CD99L2: variants seen among roughly 807,000 people sequenced by gnomAD.
CD99L2 encodes the protein CD99 molecule like 2, also known as CD99 antigen-like protein 2.
Under a neutral mutation model 27.3 loss-of-function variants are expected in CD99L2, and 24 were observed. The observed-to-expected ratio is 0.88, with a 90% CI of 0.64 to 1.24. CD99L2 has a LOEUF of 1.24. CD99L2 is among the 50% of genes most tolerant of loss of function. CD99L2 has a pLI of 0.00. For missense variants in CD99L2, 255 were observed against 221.6 expected (o/e 1.15, Z -0.96); for synonymous variants, 97 against 87.9 (o/e 1.10, Z -0.58).
At chrX:150,889,980 G>A (rs1557422740) in intron 1 of CD99L2, among the ~76,000 whole-genome samples, 1 of 108,898 alleles carries the variant, frequency 9.2e-6, no homozygotes, top group African/African-American at 3.4e-5. Context: ...GTGAAACCCC[G>A]TCTCTACTAA....
intron 7 of CD99L2, among the ~76,000 whole-genome samples, chrX:150,787,594 A>T (rs1557419595): frequency 9.1e-6 from 1 of 109,832 alleles, no homozygotes; most frequent in Non-Finnish European, 1.9e-5. Context: ...TGTCCTTTGC[A>T]GGGACATGGA....
rs913130283 is a variant in CD99L2 at position 150,767,082 on chromosome X, C to T, written c.*1952G>A. ...CTCACCATAAAGGTAAAGTGGACAA[C>T]CCCTGAGGTCACGCTGTCCAGGTGG... On this transcript the variant is annotated 3_prime_UTR_variant, in exon 11 of 11. Transcript: ENST00000370377. 8.9e-6 allele frequency: 1 copy of T among 112,065 alleles called. No individual in the cohort carries two copies. Among genetic ancestry groups the T allele is most frequent in the African/African-American group, 3.3e-5 (1 of 30,763 alleles). The allele number at this position is 112,065 out of a possible 1,213,427, so 9.2% of individuals were successfully genotyped here. A position where few individuals can be genotyped will look rare whatever the true frequency, so the allele number is the denominator to read the frequency against.
chrX:150,778,620 C>A (rs2045449817), intron 7 of CD99L2, among the ~76,000 whole-genome samples: 1 of 104,101 alleles, frequency 9.6e-6, no homozygotes, highest in African/African-American at 3.6e-5. Flanking sequence ...TGTGCTGCAC[C>A]CATTAACTCA....
chrX:150,876,444 T>C (rs2047230803), intron 1 of CD99L2, among the ~76,000 whole-genome samples: 1 of 112,335 alleles, frequency 8.9e-6, no homozygotes, highest in Non-Finnish European at 1.9e-5. Context: ...GAGAAAATAG[T>C]AACTACTAAT....
At chrX:150,789,544 T>G (rs2045653475) in intron 7 of CD99L2, among the ~76,000 whole-genome samples, 1 of 112,027 alleles carries the variant, frequency 8.9e-6, no homozygotes. Flanking sequence ...AGAACAAAAG[T>G]ATAAAGTATT....
intron 2 of CD99L2, among the ~76,000 whole-genome samples, chrX:150,824,025 AGAGGAGGAG>A (rs551423748): frequency 1.0e-5 from 1 of 96,567 alleles, no homozygotes; most frequent in Non-Finnish European, 2.0e-5. Context: ...AGGAAGAGGA[AGAGGAGGAG>A]GAGGAGGAGG....
At chrX:150,862,812 G>A (rs1207498712) in intron 1 of CD99L2, among the ~76,000 whole-genome samples, 3 of 108,500 alleles carry the variant, frequency 2.8e-5, no homozygotes, top group Non-Finnish European at 3.8e-5. Context: ...AACCAGGTGC[G>A]AAAGAAAGAA....
intron 1 of CD99L2, among the ~76,000 whole-genome samples, chrX:150,882,942 T>C (rs1557422538): frequency 9.1e-6 from 1 of 109,373 alleles, no homozygotes; most frequent in African/African-American, 3.3e-5. Context: ...GAGGCTGAGG[T>C]GGGCGGATCA....
At chrX:150,887,488 A>AT (rs2047432604) in intron 1 of CD99L2, among the ~76,000 whole-genome samples, 1 of 109,029 alleles carries the variant, frequency 9.2e-6, no homozygotes, top group African/African-American at 3.3e-5. Flanking sequence ...AAATAAATAA[A>AT]ATAAAAAAAT....
At chrX:150,840,074 G>C (rs782230177) in intron 1 of CD99L2, among the ~76,000 whole-genome samples, 1 of 109,725 alleles carries the variant, frequency 9.1e-6, no homozygotes, top group East Asian at 2.9e-4. Flanking sequence ...GGAGGCACAT[G>C]CTTGTACGCC....
intron 4 of CD99L2, among the ~76,000 whole-genome samples, chrX:150,802,319 T>C (rs1219328981): frequency 9.0e-6 from 1 of 110,620 alleles, no homozygotes; most frequent in East Asian, 2.9e-4. Flanking sequence ...ATGCCAGCAC[T>C]TTGAGAGGCC....
intron 6 of CD99L2, 128 bp downstream of exon 6, chrX:150,795,078 G>C (rs2045771402): frequency 2.7e-6 from 2 of 727,468 alleles, no homozygotes; most frequent in Non-Finnish European, 4.1e-6. Flanking sequence ...GACCAAAAAA[G>C]TTTGAGTACC....
intron 1 of CD99L2, among the ~76,000 whole-genome samples, chrX:150,865,792 C>T (rs2047051102): frequency 8.9e-6 from 1 of 112,439 alleles, no homozygotes; most frequent in South Asian, 3.7e-4. Flanking sequence ...AAGATGAAAA[C>T]TAAACTGAAG....
chrX:150,898,054 A>AACCCCCCCC (rs2047641582), intron 1 of CD99L2, among the ~76,000 whole-genome samples: 5 of 29,922 alleles, frequency 1.7e-4, no homozygotes, highest in Admixed American at 9.4e-4. Flanking sequence ...CGCCTCGCTG[A>AACCCCCCCC]CCCCCCCCCC....
rs782693669 is a variant in CD99L2 at position 150,772,936 on chromosome X, G to A, written c.656-2567C>T. Reference sequence around the variant, plus strand: ...AAATCCAAGATGGACACACTGGGCCGACGGGGTTCCTGGGAGCTGCCCCGC... The same window carrying A: ...AAATCCAAGATGGACACACTGGGCCAACGGGGTTCCTGGGAGCTGCCCCGC... On this transcript the variant is annotated intron_variant, in intron 9 of 10. Coordinates refer to ENST00000370377, the MANE Select transcript of CD99L2 (RefSeq NM_031462.4). 6.2e-5 allele frequency among the ~76,000 whole-genome samples: 7 copies of A among 112,138 alleles called. No homozygotes were observed. In the East Asian group the frequency reaches 1.1e-3, roughly 18 times the overall value.
rs2043417703 is a variant in CD99L2 at position 150,770,165 on chromosome X, T to C, written c.721+139A>G. On this transcript the variant is annotated intron_variant, in intron 10 of 10. Coordinates refer to ENST00000370377, the MANE Select transcript of CD99L2 (RefSeq NM_031462.4). ...CTCCTGAAACTGGGAGGCAGGCTCA[T>C]CAGGGCAGGCTTTTGCTCTGGCCGG... is the stretch of plus-strand genomic sequence containing the variant. The C allele has an allele frequency of 5.5e-6, 3 of 545,053 alleles. No individual in the cohort carries two copies. The African/African-American group carries it at 7.0e-5, about 13-fold the overall frequency. 44.9% of individuals were successfully genotyped at this position (545,053 alleles called of 1,213,427 possible). A position where few individuals can be genotyped will look rare whatever the true frequency, so the allele number is the denominator to read the frequency against.
Position 150,770,389 on chromosome X carries a change from G to C in CD99L2, c.656-20C>G, listed in dbSNP as rs1557419001. ...GACCCTCTGCAAAGGGAAAAGGGCA[G>C]AGTTAGTGATGCGCACAGGACCTAA... On this transcript the variant is annotated intron_variant, in intron 9 of 10. Transcript: ENST00000370377. The C allele has an allele frequency of 3.3e-6, 4 of 1,197,707 alleles. No individual in the cohort carries two copies. The African/African-American group carries it at 5.3e-5, about 16-fold the overall frequency.
chrX:150,769,839 A>G (rs1344743250), intron 10 of CD99L2, among the ~76,000 whole-genome samples: 2 of 113,140 alleles, frequency 1.8e-5, no homozygotes, highest in Non-Finnish European at 3.7e-5. Context: ...TCCTGAATCC[A>G]GAAAGTGCTT....
intron 2 of CD99L2, among the ~76,000 whole-genome samples, chrX:150,816,667 T>C (rs1218296364): frequency 9.1e-6 from 1 of 110,090 alleles, no homozygotes; most frequent in African/African-American, 3.3e-5. Flanking sequence ...GAACTAGAAA[T>C]ACCATTTGAC....
Sources: gnomAD v4.1 joint callset for allele counts (sites outside exome capture counted in the v4.1 genomes callset) on GRCh38, gnomAD v4.1.1 for gene constraint, MANE v1.5 for transcripts, NCBI Gene and HGNC (gene_info 2026-07-23, HGNC 2026-07-21) for gene names.